The following TNIK variants were observed in gnomAD, a reference collection of about 807,000 sequenced individuals.
TNIK encodes the protein TRAF2 and NCK-interacting protein kinase.
TNIK carries 49 observed loss-of-function variants against 191.3 expected under a neutral mutation model. The ratio of observed to expected loss-of-function variants is 0.26; its 90% CI spans 0.20 to 0.32. The LOEUF (loss-of-function observed/expected upper bound fraction) is 0.32, where lower values mean the gene tolerates loss of function less well. Ranked by LOEUF, TNIK falls within the 10% of genes least tolerant of loss-of-function variation. The pLI is 1.00. For synonymous variants in TNIK, 594 were observed against 600.9 expected (o/e 0.99, Z 0.17); for missense variants, 1,155 against 1,702.3 (o/e 0.68, Z 5.66).
At chr3:171,275,878 CAG>C (rs1204850060) in intron 2 of TNIK, among the ~76,000 whole-genome samples, 4 of 151,632 alleles carry the variant, frequency 2.6e-5, no homozygotes, top group African/African-American at 7.3e-5. Context: ...AGCTGGGCGA[CAG>C]AGCGCGACTC....
At chr3:171,118,906 A>T (rs1727206941) in intron 18 of TNIK, among the ~76,000 whole-genome samples, 2 of 152,242 alleles carry the variant, frequency 1.3e-5, no homozygotes, top group Admixed American at 6.5e-5. Context: ...AAAACACCCA[A>T]AGCAATGGCA....
intron 22 of TNIK, among the ~76,000 whole-genome samples, chr3:171,097,451 C>A (rs1022136915): frequency 6.6e-6 from 1 of 152,158 alleles, no homozygotes; most frequent in East Asian, 1.9e-4. Context: ...ATGTCCCTAC[C>A]CAAATCTCAT....
chr3:171,316,296 A>G (rs1028791894), intron 2 of TNIK, among the ~76,000 whole-genome samples: 5 of 152,168 alleles, frequency 3.3e-5, no homozygotes, highest in Non-Finnish European at 5.9e-5. Flanking sequence ...ATACAAGCAG[A>G]AATGAGAAAA....
At chr3:171,209,811 T>C (rs1740569362) in intron 4 of TNIK, among the ~76,000 whole-genome samples, 1 of 152,228 alleles carries the variant, frequency 6.6e-6, no homozygotes, top group African/African-American at 2.4e-5. Context: ...CATGAAAATC[T>C]TGTTAGTTTT....
chr3:171,287,967 G>T (rs35155636), intron 2 of TNIK, among the ~76,000 whole-genome samples: 1 of 146,766 alleles, frequency 6.8e-6, no homozygotes, highest in Non-Finnish European at 1.5e-5. Flanking sequence ...GCACATATAC[G>T]CCATGGAATA....
chr3:171,156,795 G>C (rs1238410385), intron 12 of TNIK, among the ~76,000 whole-genome samples: 10 of 152,218 alleles, frequency 6.6e-5, no homozygotes, highest in African/African-American at 2.4e-4. Context: ...TGGGTACTAA[G>C]GGATGTCTGG....
Position 171,071,513 on chromosome 3 carries a change from G to T in TNIK, c.3449-190C>A, listed in dbSNP as rs998744128. ...ATTTAGCTTCCCTTAGCGAACTTTG[G>T]TTGGCAGAATACTTATGGCTTTTGC... On this transcript the variant is annotated intron_variant, in intron 28 of 32. Transcript: ENST00000436636. 5.4e-6 allele frequency: 3 copies of T among 555,570 alleles called. No individual in the cohort carries two copies. In the Admixed American group the frequency reaches 1.0e-4, roughly 19 times the overall value. The allele number at this position is 555,570 out of a possible 1,614,324, so 34.4% of individuals were successfully genotyped here. A position where few individuals can be genotyped will look rare whatever the true frequency, so the allele number is the denominator to read the frequency against.
At chr3:171,283,140 G>A (rs1750653081) in intron 2 of TNIK, among the ~76,000 whole-genome samples, 2 of 145,384 alleles carry the variant, frequency 1.4e-5, no homozygotes, top group Non-Finnish European at 3.0e-5. Context: ...GGGCAGAGAA[G>A]TTAAATTTTA....
At chr3:171,188,000 C>T (rs1174998644) in intron 7 of TNIK, among the ~76,000 whole-genome samples, 1 of 152,156 alleles carries the variant, frequency 6.6e-6, no homozygotes, top group Non-Finnish European at 1.5e-5. Flanking sequence ...AGCCGTGTCA[C>T]CTGAAAGTCC....
chr3:171,362,172 C>G (rs1715080760), intron 2 of TNIK, among the ~76,000 whole-genome samples: 1 of 152,158 alleles, frequency 6.6e-6, no homozygotes, highest in Non-Finnish European at 1.5e-5. Flanking sequence ...GCAACTGATT[C>G]CTGTTTCCTC....
intron 4 of TNIK, among the ~76,000 whole-genome samples, chr3:171,206,335 G>GTATATATATATATATATATA (rs60356829): frequency 0.015 from 2,014 of 132,572 alleles, 57 homozygotes; most frequent in Admixed American, 0.054. Flanking sequence ...ATATGTTCGT[G>GTATATATATATATATATATA]TATATATATA....
At chr3:171,354,565 G>A (rs1713734432) in intron 2 of TNIK, among the ~76,000 whole-genome samples, 1 of 152,144 alleles carries the variant, frequency 6.6e-6, no homozygotes, top group African/African-American at 2.4e-5. Context: ...TTATGATTAT[G>A]AGCAAATGGG....
At chr3:171,094,504 C>T (rs916688139) in intron 22 of TNIK, among the ~76,000 whole-genome samples, 7 of 152,118 alleles carry the variant, frequency 4.6e-5, no homozygotes, top group Non-Finnish European at 7.4e-5. Flanking sequence ...CCCCTCTTGA[C>T]CTATTCTCTG....
intron 2 of TNIK, among the ~76,000 whole-genome samples, chr3:171,362,850 T>G (rs1007067353): frequency 6.6e-6 from 1 of 152,150 alleles, no homozygotes; most frequent in Admixed American, 6.5e-5. Context: ...TTTCCACTTA[T>G]AAAAATGCTC....
chr3:171,353,898 A>G (rs532729560), intron 2 of TNIK, among the ~76,000 whole-genome samples: 1 of 152,184 alleles, frequency 6.6e-6, no homozygotes, highest in Non-Finnish European at 1.5e-5. Flanking sequence ...CAGAGTTAAT[A>G]TCTATGATTT....
chr3:171,252,955 C>T (rs1041530285), intron 2 of TNIK, among the ~76,000 whole-genome samples: 3 of 151,802 alleles, frequency 2.0e-5, no homozygotes, highest in African/African-American at 4.8e-5. Flanking sequence ...TTTTTGGGGC[C>T]GAAGGAAACC....
intron 2 of TNIK, among the ~76,000 whole-genome samples, chr3:171,357,992 G>T (rs1333099784): frequency 6.6e-6 from 1 of 152,106 alleles, no homozygotes; most frequent in Non-Finnish European, 1.5e-5. Flanking sequence ...CTCTGTGGAG[G>T]GAGGTAGAGG....
At chr3:171,157,970 G>T (rs1439148695) in intron 11 of TNIK, among the ~76,000 whole-genome samples, 1 of 152,176 alleles carries the variant, frequency 6.6e-6, no homozygotes, top group East Asian at 1.9e-4. Flanking sequence ...CTTGGGACGT[G>T]GCAAAGATTT....
At chr3:171,322,841 T>A (rs1489996951) in intron 2 of TNIK, among the ~76,000 whole-genome samples, 1 of 6,836 alleles carries the variant, frequency 1.5e-4, no homozygotes, top group Non-Finnish European at 3.1e-4. Context: ...TTTCTTTTCT[T>A]TTTTTTTTTT....
Sources: allele counts gnomAD v4.1 joint callset (sites outside exome capture counted in the v4.1 genomes callset), GRCh38; gene constraint gnomAD v4.1.1; transcripts MANE v1.5; gene names NCBI Gene and HGNC (gene_info 2026-07-23, HGNC 2026-07-21).